Variants in GPHN observed in about 807,000 individuals in gnomAD.
GPHN encodes the protein gephyrin.
Under a neutral mutation model 95.5 loss-of-function variants are expected in GPHN, and 17 were observed. That is an observed-to-expected ratio of 0.18 (90% CI 0.12 to 0.27). The LOEUF (loss-of-function observed/expected upper bound fraction) is 0.27. Among genes scored for constraint, GPHN ranks in the 10% least tolerant of loss-of-function variants. GPHN has a pLI of 1.00. For synonymous variants in GPHN, 320 were observed against 322.5 expected (o/e 0.99, Z 0.08); for missense variants, 660 against 978.1 (o/e 0.67, Z 4.34).
chr14:66,572,444 T>C (rs1269607337), intron 1 of GPHN, among the ~76,000 whole-genome samples: 6 of 152,084 alleles, frequency 3.9e-5, no homozygotes, highest in Non-Finnish European at 8.8e-5. Context: ...TACTTTTCAG[T>C]GTGCAGATTT....
At chr14:67,468,009 T>C in the GPHN span, 1 of 152,184 alleles carries the variant, frequency 6.6e-6, no homozygotes, top group Admixed American at 6.6e-5. Flanking sequence ...AGTCTTGCTC[T>C]GTCACCCAGG....
chr14:66,948,708 A>G (rs766754261), intron 8 of GPHN, among the ~76,000 whole-genome samples: 1 of 152,212 alleles, frequency 6.6e-6, no homozygotes, highest in Non-Finnish European at 1.5e-5. Context: ...TCAACACATC[A>G]AAACCTACAG....
At chr14:67,562,621 G>A in the GPHN span, 62 of 1,613,076 alleles carry the variant, frequency 3.8e-5, no homozygotes, top group South Asian at 4.0e-4. Context: ...TGGCCAAAAG[G>A]CACCACAGCC....
intron 10 of GPHN, among the ~76,000 whole-genome samples, chr14:67,025,785 G>T (rs190714005): frequency 6.6e-6 from 1 of 152,260 alleles, no homozygotes; most frequent in African/African-American, 2.4e-5. Flanking sequence ...CAATGAGTTT[G>T]CAACTTTTCT....
chr14:67,189,187 T>C, the GPHN span, among the ~76,000 whole-genome samples: 1 of 152,228 alleles, frequency 6.6e-6, no homozygotes, highest in African/African-American at 2.4e-5. Flanking sequence ...TATTGCTAAA[T>C]TGACTTTTCT....
At chr14:67,012,216 T>C (rs777011865) in intron 9 of GPHN, among the ~76,000 whole-genome samples, 2 of 152,206 alleles carry the variant, frequency 1.3e-5, no homozygotes, top group Non-Finnish European at 2.9e-5. Context: ...TCAACACTTA[T>C]AGGGATAGAT....
At chr14:67,144,356 A>G (rs1256543207) in intron 18 of GPHN, among the ~76,000 whole-genome samples, 1 of 146,470 alleles carries the variant, frequency 6.8e-6, no homozygotes, top group Non-Finnish European at 1.5e-5. Flanking sequence ...TGTTCCTATA[A>G]AGACCACAAT....
chr14:67,452,929 C>T, the GPHN span, among the ~76,000 whole-genome samples: 1 of 152,172 alleles, frequency 6.6e-6, no homozygotes, highest in East Asian at 1.9e-4. Flanking sequence ...GCTTTTTCTC[C>T]CTCCAACCCT....
In GPHN at chr14:66,864,935, A is replaced by G. The variant is rs116761034; in HGVS notation, c.295-15004A>G. ...CTACACAATGGAATTCTATTTGGCCATATAAAGAATAAGAACCTGTTATTT... is the reference window on the plus strand; with the variant it reads ...CTACACAATGGAATTCTATTTGGCCGTATAAAGAATAAGAACCTGTTATTT... On this transcript the variant is annotated intron_variant, in intron 4 of 22. Coordinates refer to ENST00000478722, the MANE Select transcript of GPHN (RefSeq NM_020806.5). Among the ~76,000 whole-genome samples, 836 of 152,336 alleles carry G rather than the reference A, an allele frequency of 5.5e-3. 2 individuals are homozygous for G. The highest frequency in any genetic ancestry group is 0.019 in the African/African-American group (796 of 41,578).
intron 3 of GPHN, among the ~76,000 whole-genome samples, chr14:66,820,445 A>G (rs2061145816): frequency 6.6e-6 from 1 of 152,174 alleles, no homozygotes; most frequent in Non-Finnish European, 1.5e-5. Flanking sequence ...CTTCCTAGAT[A>G]AGGGTTTAGC....
the GPHN span, chr14:67,678,164 A>T: frequency 3.5e-6 from 2 of 578,954 alleles, no homozygotes; most frequent in Non-Finnish European, 6.2e-6. Flanking sequence ...CGAATCTGGC[A>T]GTACACTGAG....
At chr14:66,814,294 G>A (rs2060878058) in intron 3 of GPHN, among the ~76,000 whole-genome samples, 1 of 152,138 alleles carries the variant, frequency 6.6e-6, no homozygotes, top group Non-Finnish European at 1.5e-5. Flanking sequence ...CTGCCCCCAA[G>A]CCAACACCAC....
chr14:66,538,358 A>G (rs1200477916), intron 1 of GPHN, among the ~76,000 whole-genome samples: 1 of 149,848 alleles, frequency 6.7e-6, no homozygotes, highest in Non-Finnish European at 1.5e-5. Context: ...AAAAATTTGT[A>G]TTTTATATCT....
At chr14:66,886,509 A>T (rs1399154653) in intron 5 of GPHN, among the ~76,000 whole-genome samples, 1 of 152,190 alleles carries the variant, frequency 6.6e-6, no homozygotes. Flanking sequence ...TGAATTATGG[A>T]TGAAAAACAT....
intron 11 of GPHN, among the ~76,000 whole-genome samples, chr14:67,083,913 A>G (rs1175643159): frequency 1.3e-5 from 2 of 152,108 alleles, no homozygotes; most frequent in Non-Finnish European, 2.9e-5. Context: ...GATTGATATG[A>G]CCTTTTTCTC....
chr14:66,617,082 C>T (rs532086291), intron 1 of GPHN, among the ~76,000 whole-genome samples: 122 of 152,236 alleles, frequency 8.0e-4, no homozygotes, highest in Non-Finnish European at 1.4e-3. Flanking sequence ...GGGGGAAGCA[C>T]GTTGTCTGGG....
the GPHN span, chr14:67,570,307 A>C: frequency 2.0e-6 from 2 of 978,780 alleles, no homozygotes; most frequent in Non-Finnish European, 2.4e-6. Flanking sequence ...CAGGTCCCAG[A>C]GGGCAGTGGG....
rs757502448 is a variant in GPHN, at chr14:66,697,669, T to TTTTTTTC, written c.143+16503_143+16509dup. The stretch of plus-strand genomic sequence containing the variant: ...AATCTGGCCTGCTACTTGCCTTTTT[T>TTTTTTTC]TTTTTTCTTTTTTCTTTTTTCTTTT... On this transcript the variant is annotated intron_variant, in intron 2 of 22. Transcript: ENST00000478722. Among the ~76,000 whole-genome samples the TTTTTTTC allele has an allele frequency of 4.6e-5, 6 of 131,866 alleles. No individual in the cohort carries two copies. The South Asian group carries it at 1.4e-3, about 31-fold the overall frequency. 86.5% of individuals were successfully genotyped at this position (131,866 alleles called of 152,430 possible).
chr14:67,441,412 C>T, the GPHN span, among the ~76,000 whole-genome samples: 1 of 152,168 alleles, frequency 6.6e-6, no homozygotes, highest in Admixed American at 6.5e-5. Context: ...AGACCTTTTG[C>T]AGTGAGCCCA....
Sources: allele counts gnomAD v4.1 joint callset (sites outside exome capture counted in the v4.1 genomes callset), GRCh38; gene constraint gnomAD v4.1.1; transcripts MANE v1.5; gene names NCBI Gene and HGNC (gene_info 2026-07-23, HGNC 2026-07-21).